The following PTPRA variants were observed in gnomAD, a reference collection of about 807,000 sequenced individuals.
PTPRA encodes the protein receptor-type tyrosine-protein phosphatase alpha.
A neutral mutation model predicts 104.8 loss-of-function variants in PTPRA; 25 were observed. The ratio of observed to expected loss-of-function variants is 0.24; its 90% confidence interval spans 0.17 to 0.33. The LOEUF (loss-of-function observed/expected upper bound fraction) is 0.33. PTPRA is among the 10% of genes least tolerant of loss of function. PTPRA has a pLI of 1.00. For missense variants in PTPRA, 765 were observed against 1,015.3 expected, an observed-to-expected ratio of 0.75 and a Z score of 3.35; for synonymous variants, 323 against 368.9, an observed-to-expected ratio of 0.88 and a Z score of 1.43.
intron 11 of PTPRA, among the ~76,000 whole-genome samples, chr20:3,014,132 A>G (rs1467787386): frequency 6.6e-6 from 1 of 152,246 alleles, no homozygotes; most frequent in Non-Finnish European, 1.5e-5. Context: ...GTTTAGTAAT[A>G]TAAGCAGAAT....
chr20:3,032,505 C>G (rs180909616), intron 20 of PTPRA, among the ~76,000 whole-genome samples: 20 of 152,170 alleles, frequency 1.3e-4, no homozygotes, highest in Admixed American at 1.1e-3. Context: ...CGGTGGCTCA[C>G]GCCTGTAATC....
At position 3,023,111 on chromosome 20, in the gene PTPRA, C is replaced by G. The variant is rs570221604; in HGVS notation, c.1464+287C>G. On this transcript the variant is annotated intron_variant, in intron 16 of 23. Transcript: ENST00000399903. ...CGCAGAAACATGTGCTGTATTGACT[C>G]AAGGTTTAATGGATTTAGGGCTGTG... is the stretch of plus-strand genomic sequence containing the variant. Among the ~76,000 whole-genome samples the G allele has an allele frequency of 2.0e-5, 3 of 152,328 alleles. No homozygotes were observed. In the East Asian group the frequency reaches 5.8e-4, roughly 29 times the overall value.
Position 2,975,227 on chromosome 20 carries a change from C to T in PTPRA, c.428C>T (p.Ser143Leu), listed in dbSNP as rs774732821. Residue 143 changes from serine to leucine, a missense_variant, in exon 6 of 24, where the codon TCG becomes TTG. Physicochemically the swap from Ser to Leu is moderately radical, Grantham distance 145 (BLOSUM62 -2). Transcript: ENST00000399903. Reference protein sequence around the residue: ...ETFPPSGNSDSKDRRDETPII... With the variant: ...ETFPPSGNSDLKDRRDETPII... ...ACTTATTACACAGGTAATTCTGACT[C>T]GAAGGACAGAAGAGGTGAGCTGCTC... 9.4e-6 allele frequency: 15 copies of T among 1,596,194 alleles called. No individual in the cohort carries two copies. The Admixed American group carries it at 1.0e-4, about 11-fold the overall frequency.
At chr20:2,974,772 C>T (rs1288805143) in intron 5 of PTPRA, among the ~76,000 whole-genome samples, 1 of 152,160 alleles carries the variant, frequency 6.6e-6, no homozygotes, top group East Asian at 1.9e-4. Context: ...GAATATTGTA[C>T]TCTTTCTACT....
chr20:2,865,177 G>T, the PTPRA span: 3 of 1,614,154 alleles, frequency 1.9e-6, no homozygotes, highest in African/African-American at 2.7e-5. This position sits in a 1 kb window ranked among gnomAD's most constrained non-coding sequence, Gnocchi z 5.2. Context: ...GGCTCCTACG[G>T]CTGCAGCGGC....
At chr20:2,955,507 C>A in intron 3 of PTPRA, 1 of 450,346 alleles carries the variant, frequency 2.2e-6, no homozygotes, top group Non-Finnish European at 2.9e-6. Context: ...GCCTTAGTTT[C>A]ACTAATGTTG....
intron 1 of PTPRA, among the ~76,000 whole-genome samples, chr20:2,909,990 T>C (rs1568649269): frequency 1.1e-5 from 1 of 87,838 alleles, no homozygotes; most frequent in African/African-American, 4.0e-5. Context: ...TCATATATCA[T>C]ATATATAATC....
the PTPRA span, chr20:2,864,231 TGAA>T: frequency 6.2e-7 from 1 of 1,614,096 alleles, no homozygotes; most frequent in South Asian, 1.1e-5. This position sits in a 1 kb window ranked among gnomAD's most constrained non-coding sequence, Gnocchi z 5.2. Context: ...CTCCTAAAGA[TGAA>T]GAGGAGCAAA....
At chr20:2,932,291 G>A (rs2147521090) in intron 2 of PTPRA, among the ~76,000 whole-genome samples, 1 of 152,286 alleles carries the variant, frequency 6.6e-6, no homozygotes, top group South Asian at 2.1e-4. Context: ...GAGAATGAAG[G>A]AATTAAGATC....
intron 6 of PTPRA, among the ~76,000 whole-genome samples, chr20:2,982,931 C>G (rs2062747752): frequency 6.6e-6 from 1 of 152,070 alleles, no homozygotes; most frequent in African/African-American, 2.4e-5. Context: ...AATTCTTGAC[C>G]TCATGATCTG....
intron 2 of PTPRA, among the ~76,000 whole-genome samples, chr20:2,933,651 G>A (rs577772992): frequency 3.3e-5 from 5 of 152,008 alleles, no homozygotes; most frequent in Admixed American, 2.0e-4. Context: ...TGTAGAGATG[G>A]GGTTTCACGA....
intron 1 of PTPRA, among the ~76,000 whole-genome samples, chr20:2,896,145 C>T (rs1436125252): frequency 6.6e-6 from 1 of 152,026 alleles, no homozygotes; most frequent in Non-Finnish European, 1.5e-5. Context: ...GAGGCTGAGG[C>T]AGGGGGATCA....
chr20:2,989,216 C>T (rs1270653136), intron 9 of PTPRA, among the ~76,000 whole-genome samples: 1 of 152,224 alleles, frequency 6.6e-6, no homozygotes, highest in South Asian at 2.1e-4. Context: ...GGGCACATCA[C>T]GAGGTCAAGA....
intron 11 of PTPRA, among the ~76,000 whole-genome samples, chr20:3,010,329 C>G (rs920386144): frequency 1.3e-5 from 2 of 151,956 alleles, no homozygotes; most frequent in African/African-American, 4.8e-5. Flanking sequence ...CCAAGCATTC[C>G]TCATAAACAC....
At chr20:2,899,713 G>A (rs1212762194) in intron 1 of PTPRA, among the ~76,000 whole-genome samples, 1 of 152,094 alleles carries the variant, frequency 6.6e-6, no homozygotes, top group Non-Finnish European at 1.5e-5. Context: ...ATATACATCT[G>A]TATCTTCCTG....
intron 20 of PTPRA, among the ~76,000 whole-genome samples, chr20:3,032,263 C>T (rs1324050807): frequency 6.6e-6 from 1 of 152,198 alleles, no homozygotes; most frequent in Admixed American, 6.5e-5. Flanking sequence ...GTGCTCTTGG[C>T]CCCATTCCGT....
At chr20:3,027,608 C>T in intron 19 of PTPRA, 99 bp from the exon 20 acceptor site, 1 of 1,467,238 alleles carries the variant, frequency 6.8e-7, no homozygotes, top group Non-Finnish European at 9.2e-7. Context: ...GCTGAGTTTG[C>T]CTCCGAGCAG....
chr20:2,869,328 AT>A (rs11475893), upstream of PTPRA, among the ~76,000 whole-genome samples: 24,019 of 151,044 alleles, frequency 0.16, 2,028 homozygotes, highest in South Asian at 0.28. Context: ...TTGGTTTGCA[AT>A]TTTTTTTTTC....
intron 11 of PTPRA, 76 bp downstream of exon 11, chr20:3,007,496 T>C (rs1291349895): frequency 1.4e-6 from 2 of 1,426,820 alleles, no homozygotes; most frequent in Admixed American, 3.7e-5. Context: ...CCCAGCTGTG[T>C]GTTAGGAGAA....
Sources: gnomAD v4.1 joint callset for allele counts (sites outside exome capture counted in the v4.1 genomes callset) on GRCh38, gnomAD v4.1.1 for gene constraint, Gnocchi (gnomAD v3.1) non-coding constraint, MANE v1.5 for transcripts, NCBI Gene and HGNC (gene_info 2026-07-23, HGNC 2026-07-21) for gene names.